GRAMD1B: variants seen among roughly 807,000 people sequenced by gnomAD.
GRAMD1B encodes the protein GRAM domain containing 1B, also known as protein Aster-B.
In GRAMD1B, 37 loss-of-function variants were observed where a neutral mutation model predicts 99.7. The observed-to-expected ratio is 0.37, with a 90% confidence interval of 0.29 to 0.49. The LOEUF (loss-of-function observed/expected upper bound fraction) is 0.49, where lower values mean the gene tolerates loss of function less well. Ranked by LOEUF, GRAMD1B falls within the 20% of genes least tolerant of loss-of-function variation. The pLI, the probability that GRAMD1B is intolerant of heterozygous loss-of-function variation, is 0.98. For synonymous variants in GRAMD1B, 427 were observed against 387.6 expected (o/e 1.10, Z -1.19); for missense variants, 888 against 1,009.2 (o/e 0.88, Z 1.63).
At chr11:123,546,240 T>G (rs1288374573) in intron 2 of GRAMD1B, among the ~76,000 whole-genome samples, 1 of 152,148 alleles carries the variant, frequency 6.6e-6, no homozygotes, top group Non-Finnish European at 1.5e-5. Flanking sequence ...CAGAAGTGTC[T>G]GTGGGGGATC....
At chr11:123,599,206 C>G in intron 7 of GRAMD1B, 1 of 764,836 alleles carries the variant, frequency 1.3e-6, no homozygotes, top group East Asian at 2.5e-5. Flanking sequence ...TTACAGAAAT[C>G]AGAAAATTCC....
intron 2 of GRAMD1B, among the ~76,000 whole-genome samples, chr11:123,498,188 T>G (rs760634562): frequency 3.3e-5 from 5 of 152,226 alleles, no homozygotes; most frequent in Non-Finnish European, 7.4e-5. Context: ...AGCCTTGAAC[T>G]GGACCTGGGG....
chr11:123,533,641 G>C (rs964869066), intron 2 of GRAMD1B, among the ~76,000 whole-genome samples: 2 of 152,090 alleles, frequency 1.3e-5, no homozygotes, highest in African/African-American at 4.8e-5. Context: ...TGACCAGGCT[G>C]GTCTTGAACT....
intron 1 of GRAMD1B, among the ~76,000 whole-genome samples, chr11:123,424,562 A>G (rs570812872): frequency 1.3e-5 from 2 of 152,306 alleles, no homozygotes; most frequent in Admixed American, 1.3e-4. Context: ...GTCTCACCCT[A>G]TGCTCTGACT....
chr11:123,367,287 G>A (rs186711321), intron 1 of GRAMD1B, among the ~76,000 whole-genome samples: 7 of 152,256 alleles, frequency 4.6e-5, no homozygotes, highest in Admixed American at 3.3e-4. Context: ...TATAGCTCAC[G>A]GTCTAGGAAG....
At chr11:123,401,648 A>G (rs7112526) in intron 1 of GRAMD1B, among the ~76,000 whole-genome samples, 3,843 of 152,282 alleles carry the variant, frequency 0.025, 103 homozygotes, top group African/African-American at 0.062. Flanking sequence ...TTTAATATTT[A>G]GTGTGGTGGC....
intron 4 of GRAMD1B, among the ~76,000 whole-genome samples, chr11:123,585,571 T>A (rs765846801): frequency 6.6e-6 from 1 of 152,180 alleles, no homozygotes; most frequent in African/African-American, 2.4e-5. Context: ...CACACTCTAC[T>A]TCTATCTCTG....
intron 1 of GRAMD1B, among the ~76,000 whole-genome samples, chr11:123,412,526 G>T (rs1014228871): frequency 6.6e-6 from 1 of 152,096 alleles, no homozygotes; most frequent in Admixed American, 6.5e-5. Context: ...TCATGCTCAG[G>T]TCTGCCTAAC....
intron 1 of GRAMD1B, among the ~76,000 whole-genome samples, chr11:123,475,363 G>A (rs1486303013): frequency 6.6e-6 from 1 of 152,162 alleles, no homozygotes; most frequent in Non-Finnish European, 1.5e-5. Flanking sequence ...GCACTAGCAC[G>A]CTGGTCTTAA....
At chr11:123,392,039 A>G (rs1947300238) in intron 1 of GRAMD1B, among the ~76,000 whole-genome samples, 1 of 152,168 alleles carries the variant, frequency 6.6e-6, no homozygotes, top group Admixed American at 6.5e-5. Flanking sequence ...CTGAGCTGAG[A>G]TCTGAATAGA....
intron 7 of GRAMD1B, chr11:123,598,404 G>T: frequency 2.1e-6 from 2 of 943,736 alleles, no homozygotes; most frequent in Non-Finnish European, 1.8e-6. Context: ...TCCTGTCCTT[G>T]CTTGCTCGCG....
At chr11:123,612,549 T>C (rs1953732826) in intron 14 of GRAMD1B, among the ~76,000 whole-genome samples, 1 of 152,236 alleles carries the variant, frequency 6.6e-6, no homozygotes, top group Non-Finnish European at 1.5e-5. Flanking sequence ...TGCTTAAATA[T>C]CCTACGGCTC....
chr11:123,605,716 A>G (rs943591572), intron 10 of GRAMD1B, among the ~76,000 whole-genome samples: 9 of 152,320 alleles, frequency 5.9e-5, no homozygotes, highest in East Asian at 1.9e-4. Context: ...TTCTGAGCAG[A>G]TGAAAACCAT....
intron 2 of GRAMD1B, among the ~76,000 whole-genome samples, chr11:123,539,441 AT>A (rs63564062): frequency 0.53 from 79,973 of 150,368 alleles, 22,130 homozygotes; most frequent in Middle Eastern, 0.67. Flanking sequence ...ATGTCCAAAA[AT>A]AAAAATAAAA....
intron 1 of GRAMD1B, among the ~76,000 whole-genome samples, chr11:123,368,547 G>C (rs566523055): frequency 6.6e-6 from 1 of 151,876 alleles, no homozygotes; most frequent in Admixed American, 6.6e-5. Context: ...GGACGTTGTG[G>C]TGTGTGCCTG....
Position 123,622,610 on chromosome 11 carries a change from G to C in GRAMD1B, c.*15G>C, listed in dbSNP as rs573341310. 5.0e-5 allele frequency: 72 copies of C among 1,442,622 alleles called. No individual in the cohort carries two copies. The South Asian group carries it at 8.8e-4, about 18-fold the overall frequency. 89.4% of individuals were successfully genotyped at this position (1,442,622 alleles called of 1,614,324 possible). Reference sequence around the variant, plus strand: ...GCTATCATTGACAAGGCAGGAACAGGGTGGCTGCAAGAGGCCTGTGCAATA... The same window carrying C: ...GCTATCATTGACAAGGCAGGAACAGCGTGGCTGCAAGAGGCCTGTGCAATA... On this transcript the variant is annotated 3_prime_UTR_variant, in exon 20 of 20. Transcript: ENST00000635736.
In GRAMD1B at chr11:123,619,173, G is replaced by A; in HGVS notation, c.2493G>A (p.Glu831=). 6.4e-7 allele frequency: 1 copy of A among 1,570,256 alleles called. No homozygotes were observed. Among genetic ancestry groups the A allele is most frequent in the East Asian group, 2.4e-5 (1 of 42,352 alleles). Residue 831 remains glutamate (E), a synonymous_variant, in exon 19 of 20, where the codon GAG becomes GAA. Coordinates refer to ENST00000635736, the MANE Select transcript of GRAMD1B (RefSeq NM_001387025.1). ...CCCAACAAAAGTACCACGATACTGAGCTCCAAAAATGGAGGGAAATCATCA... is the reference window on the plus strand; with the variant it reads ...CCCAACAAAAGTACCACGATACTGAACTCCAAAAATGGAGGGAAATCATCA... ...LESQQKYHDT[E]LQKWREIIKS... is the part of the protein sequence containing the mutation.
chr11:123,520,542 G>A (rs1220489873), intron 2 of GRAMD1B, among the ~76,000 whole-genome samples: 3 of 152,000 alleles, frequency 2.0e-5, no homozygotes, highest in Admixed American at 6.6e-5. Context: ...AGACCAAGGC[G>A]GGTGGATTGC....
At chr11:123,433,075 CA>C (rs912055638) in intron 1 of GRAMD1B, among the ~76,000 whole-genome samples, 3 of 152,014 alleles carry the variant, frequency 2.0e-5, no homozygotes, top group African/African-American at 7.2e-5. Context: ...TTTGTCAGGC[CA>C]GGGGCGGTGG....
Sources: gnomAD v4.1 joint callset for allele counts (sites outside exome capture counted in the v4.1 genomes callset) on GRCh38, gnomAD v4.1.1 for gene constraint, MANE v1.5 for transcripts, NCBI Gene and HGNC (gene_info 2026-07-23, HGNC 2026-07-21) for gene names.